VDR: variants seen among roughly 807,000 people sequenced by gnomAD.
VDR encodes vitamin D3 receptor.
In VDR, 19 loss-of-function variants were observed where a neutral mutation model predicts 39.7. That is an observed-to-expected ratio of 0.48 (90% CI 0.33 to 0.70). The LOEUF (loss-of-function observed/expected upper bound fraction) is 0.70, where lower values mean the gene tolerates loss of function less well. Among genes scored for constraint, VDR ranks in the 30% least tolerant of loss-of-function variants. The pLI is 0.02. For synonymous variants in VDR, 242 were observed against 215.8 expected, an observed-to-expected ratio of 1.12 and a Z score of -1.07; for missense variants, 442 against 570.5, an observed-to-expected ratio of 0.77 and a Z score of 2.29.
Position 47,842,626 on chromosome 12 carries a change from T to TA in VDR, c.*2119_*2120insT. 1 of 65,574 alleles carries TA rather than the reference T, an allele frequency of 1.5e-5. No homozygotes were observed. The highest frequency in any genetic ancestry group is 4.0e-5 in the Non-Finnish European group (1 of 24,778). 4.1% of individuals were successfully genotyped at this position (65,574 alleles called of 1,614,324 possible). A position where few individuals can be genotyped will look rare whatever the true frequency, so the allele number is the denominator to read the frequency against. On this transcript the variant is annotated 3_prime_UTR_variant, in exon 10 of 10. Transcript: ENST00000549336. ...GCTTGCGCCACCATGCCCGGCTATT[T>TA]TTTTTTTTTTTTTTTTTGTATTTTT...
In VDR at chr12:47,888,531, C is replaced by CT. The variant is rs960974213; in HGVS notation, c.-83-5758dup. On this transcript the variant is annotated intron_variant, in intron 1 of 9. Transcript: ENST00000549336. ...TATCAACAATTTTTCCTGCAAGCTG[C>CT]TTTTTTCCAATGGAAACTCTGCCCT... is the stretch of plus-strand genomic sequence containing the variant. Among the ~76,000 whole-genome samples the CT allele has an allele frequency of 4.6e-5, 7 of 152,296 alleles. No homozygotes were observed. In the East Asian group the frequency reaches 7.7e-4, roughly 17 times the overall value.
In VDR at chr12:47,878,960, G is replaced by A. The variant is rs10783218; in HGVS notation, c.146+8C>T. The A allele has an allele frequency of 0.045, 72,993 of 1,614,062 alleles. 2,494 individuals are homozygous for A. Among genetic ancestry groups the A allele is most frequent in the African/African-American group, 0.18 (13,869 of 74,974 alleles). On this transcript the variant is annotated splice_region_variant and intron_variant, in intron 3 of 9. Transcript: ENST00000549336. Reference sequence around the variant, plus strand: ...TTCCACTGGGGAGAGCCTGGGAGGAGGGCTCACCTGAAGAAGCCTTTGCAG... The same window carrying A: ...TTCCACTGGGGAGAGCCTGGGAGGAAGGCTCACCTGAAGAAGCCTTTGCAG...
chr12:47,867,975 C>A (rs1248670474), intron 3 of VDR, among the ~76,000 whole-genome samples: 3 of 152,120 alleles, frequency 2.0e-5, no homozygotes, highest in Non-Finnish European at 4.4e-5. Context: ...TACTGGCAGT[C>A]CCAGGCAGGC....
chr12:47,879,189 C>T (rs1946084139), intron 2 of VDR, 74 bp from the exon 3 acceptor site: 4 of 1,543,510 alleles, frequency 2.6e-6, no homozygotes, highest in Admixed American at 1.8e-5. Context: ...TTGGTGCCAC[C>T]CACCCCCAGC....
chr12:47,871,296 T>TTC (rs1297056152), intron 3 of VDR, among the ~76,000 whole-genome samples: 2 of 96,330 alleles, frequency 2.1e-5, no homozygotes, highest in African/African-American at 8.6e-5. Context: ...CTCTTTCTCT[T>TTC]TCTTTCTTTC....
intron 1 of VDR, among the ~76,000 whole-genome samples, chr12:47,887,002 C>T (rs887744058): frequency 1.1e-4 from 17 of 152,154 alleles, no homozygotes; most frequent in Admixed American, 6.5e-4. Flanking sequence ...CCATATGGTA[C>T]CATATGCACA....
chr12:47,902,539 G>A (rs888324564), intron 1 of VDR, among the ~76,000 whole-genome samples: 1 of 152,200 alleles, frequency 6.6e-6, no homozygotes, highest in East Asian at 1.9e-4. Flanking sequence ...ATCAAATCTG[G>A]TCAATTCCTT....
chr12:47,897,952 A>G (rs1364851667), intron 1 of VDR, among the ~76,000 whole-genome samples: 1 of 152,166 alleles, frequency 6.6e-6, no homozygotes, highest in Non-Finnish European at 1.5e-5. Flanking sequence ...TTATACTTCC[A>G]TGTCCTTTTC....
chr12:47,863,871 A>C (rs1945673297), intron 4 of VDR, among the ~76,000 whole-genome samples: 1 of 152,210 alleles, frequency 6.6e-6, no homozygotes, highest in Non-Finnish European at 1.5e-5. Flanking sequence ...TCTGTGTCCC[A>C]ACAACAGATA....
chr12:47,894,308 G>A lies in VDR; in HGVS notation c.-84+10647C>T, dbSNP rs796403160. 5.3e-5 allele frequency among the ~76,000 whole-genome samples: 8 copies of A among 152,348 alleles called. No individual in the cohort carries two copies. The East Asian group carries it at 1.3e-3, about 26-fold the overall frequency. ...CGGATGTCTGAACCAGCTGGCAGAA[G>A]TTCCACTCTCTGCACTCAATACTCT... On this transcript the variant is annotated intron_variant, in intron 1 of 9. Transcript: ENST00000549336.
At chr12:47,869,785 T>C (rs1156565474) in intron 3 of VDR, among the ~76,000 whole-genome samples, 3 of 152,106 alleles carry the variant, frequency 2.0e-5, no homozygotes, top group Non-Finnish European at 2.9e-5. Flanking sequence ...TGGTCTCAGC[T>C]ACTTGGGAGG....
chr12:47,875,319 C>G (rs957994269), intron 3 of VDR, among the ~76,000 whole-genome samples: 1 of 152,154 alleles, frequency 6.6e-6, no homozygotes, highest in African/African-American at 2.4e-5. Context: ...GAGCTAGTGA[C>G]CCAATATTCA....
Position 47,857,079 on chromosome 12 carries a change from A to G in VDR, c.583+50T>C. On this transcript the variant is annotated intron_variant, in intron 6 of 9. Coordinates refer to ENST00000549336, the MANE Select transcript of VDR (RefSeq NM_000376.3). ...AGCAGCCCCAGGGCAGGTGCGGTGGACTCCTCGCCCCCGCTCCCTTACTCT... is the reference window on the plus strand; with the variant it reads ...AGCAGCCCCAGGGCAGGTGCGGTGGGCTCCTCGCCCCCGCTCCCTTACTCT... 3 of 1,610,324 alleles carry G rather than the reference A, an allele frequency of 1.9e-6. 1 individual carries two copies. In the South Asian group the frequency reaches 3.3e-5, roughly 18 times the overall value.
chr12:47,904,598 C>G (rs1195967947), intron 1 of VDR: 2 of 1,535,994 alleles, frequency 1.3e-6, no homozygotes, highest in Non-Finnish European at 1.7e-6. Context: ...CCATCGACAG[C>G]CAATCGCTCC....
At chr12:47,894,199 G>T (rs1946422175) in intron 1 of VDR, among the ~76,000 whole-genome samples, 1 of 152,180 alleles carries the variant, frequency 6.6e-6, no homozygotes, top group African/African-American at 2.4e-5. Flanking sequence ...TAAACTCAGG[G>T]TCCCTAGAGG....
At chr12:47,901,777 A>G (rs1416127612) in intron 1 of VDR, among the ~76,000 whole-genome samples, 1 of 152,050 alleles carries the variant, frequency 6.6e-6, no homozygotes, top group African/African-American at 2.4e-5. Context: ...ATGAACCCCA[A>G]TTTCCCCAGG....
At chr12:47,875,647 A>C (rs1945984930) in intron 3 of VDR, among the ~76,000 whole-genome samples, 1 of 152,228 alleles carries the variant, frequency 6.6e-6, no homozygotes, top group Admixed American at 6.5e-5. Context: ...TGTATAGCTG[A>C]TTCTCATTAT....
rs1283059621 is a variant in VDR at position 47,844,816 on chromosome 12, G to A, written c.1214C>T (p.Ser405Phe). The A allele has an allele frequency of 1.9e-6, 3 of 1,614,098 alleles. No individual in the cohort carries two copies. The highest frequency in any genetic ancestry group is 1.3e-5 in the African/African-American group (1 of 74,926). ...CTTCATGCTGCACTCAGGCTGGAAG[G>A]AGAGGCAGCGGTACTGCTTGGAGTG... ...EEHSKQYRCL[S>F]FQPECSMKLT... Residue 405 changes from serine to phenylalanine, a missense_variant, in exon 10 of 10, where the codon TCC (serine) becomes TTC (phenylalanine). Transcript: ENST00000549336.
intron 1 of VDR, among the ~76,000 whole-genome samples, chr12:47,901,940 G>C (rs1323971526): frequency 6.6e-6 from 1 of 152,228 alleles, no homozygotes; most frequent in African/African-American, 2.4e-5. Context: ...CGGGAGCAGT[G>C]CCGCCCCAGG....
Sources: allele counts gnomAD v4.1 joint callset (sites outside exome capture counted in the v4.1 genomes callset), GRCh38; gene constraint gnomAD v4.1.1; transcripts MANE v1.5; gene names NCBI Gene and HGNC (gene_info 2026-07-23, HGNC 2026-07-21).